The following AFF2 variants were observed in gnomAD, a reference collection of about 807,000 sequenced individuals.
AFF2 encodes AF4/FMR2 family member 2.
In AFF2, 14 loss-of-function variants were observed where a neutral mutation model predicts 76.9. The ratio of observed to expected loss-of-function variants is 0.18; its 90% CI spans 0.12 to 0.28. The LOEUF (loss-of-function observed/expected upper bound fraction) is 0.28, where lower values mean the gene tolerates loss of function less well. AFF2 is among the 10% of genes least tolerant of loss of function. AFF2 has a pLI of 1.00. For synonymous variants in AFF2, 398 were observed against 366.7 expected, an observed-to-expected ratio of 1.09 and a Z score of -0.98; for missense variants, 868 against 1,001.1, an observed-to-expected ratio of 0.87 and a Z score of 1.79.
At chrX:148,538,570 G>T (rs782698431) in intron 1 of AFF2, among the ~76,000 whole-genome samples, 11 of 112,649 alleles carry the variant, frequency 9.8e-5, no homozygotes, top group African/African-American at 2.6e-4. Flanking sequence ...TTTAAGCAAA[G>T]CCTATTGATT....
At chrX:148,613,764 C>T (rs1466746825) in intron 1 of AFF2, among the ~76,000 whole-genome samples, 1 of 111,839 alleles carries the variant, frequency 8.9e-6, no homozygotes, top group Non-Finnish European at 1.9e-5. Flanking sequence ...TATACTCTAA[C>T]TGATCTGTAA....
chrX:148,844,063 G>A (rs1205020177), intron 7 of AFF2, among the ~76,000 whole-genome samples: 2 of 112,293 alleles, frequency 1.8e-5, no homozygotes, highest in Non-Finnish European at 3.8e-5. Context: ...AAACAACTGT[G>A]ATTTCAGTGA....
intron 1 of AFF2, among the ~76,000 whole-genome samples, chrX:148,613,746 C>A (rs1458926046): frequency 9.0e-6 from 1 of 111,630 alleles, no homozygotes; most frequent in African/African-American, 3.3e-5. Context: ...ATTCCTTTCC[C>A]TGCTTTATAT....
In AFF2 at chrX:148,999,930, C is replaced by T. The variant is rs1202559081; in HGVS notation, c.*8598C>T. 1.8e-5 allele frequency: 2 copies of T among 111,533 alleles called. No homozygotes were observed. The highest frequency in any genetic ancestry group is 1.9e-4 in the Admixed American group (2 of 10,520). 9.2% of individuals were successfully genotyped at this position (111,533 alleles called of 1,213,427 possible). A position where few individuals can be genotyped will look rare whatever the true frequency, so the allele number is the denominator to read the frequency against. On this transcript the variant is annotated 3_prime_UTR_variant, in exon 21 of 21. Coordinates refer to ENST00000370460, the MANE Select transcript of AFF2 (RefSeq NM_002025.4). ...GATGGAGGCCACCTCAACTGGAGAA[C>T]ATGAGCTGAGTTGAGCCCTCAGTGT...
At chrX:148,927,520 A>G (rs145732787) in intron 9 of AFF2, among the ~76,000 whole-genome samples, 4,880 of 109,560 alleles carry the variant, frequency 0.045, 108 homozygotes, top group Middle Eastern at 0.082. Context: ...TCTACCCACC[A>G]GGGCTCAAAC....
At chrX:148,864,947 A>G (rs1557276727) in intron 7 of AFF2, among the ~76,000 whole-genome samples, 1 of 111,997 alleles carries the variant, frequency 8.9e-6, no homozygotes, top group Non-Finnish European at 1.9e-5. Context: ...GACATTTAAA[A>G]TCGAGCAATT....
chrX:148,547,254 A>T (rs56034002), intron 1 of AFF2: 1 of 85,343 alleles, frequency 1.2e-5, no homozygotes, highest in African/African-American at 4.0e-5. Flanking sequence ...GTTCATTTTG[A>T]ACATGACGGG....
At chrX:148,670,268 G>A (rs377328948) in intron 3 of AFF2, among the ~76,000 whole-genome samples, 1 of 111,421 alleles carries the variant, frequency 9.0e-6, no homozygotes, top group Admixed American at 9.5e-5. Flanking sequence ...TCTCACAATA[G>A]CAGGACTGAT....
At chrX:148,937,034 G>A (rs373962479) in intron 9 of AFF2, among the ~76,000 whole-genome samples, 4 of 111,936 alleles carry the variant, frequency 3.6e-5, no homozygotes, top group East Asian at 2.8e-4. Context: ...GATGGCTGCC[G>A]GCTAGGCTGG....
intron 3 of AFF2, among the ~76,000 whole-genome samples, chrX:148,703,080 A>G (rs1194855912): frequency 9.0e-6 from 1 of 111,718 alleles, no homozygotes; most frequent in African/African-American, 3.3e-5. Flanking sequence ...AATTTGAGGG[A>G]CCAGAACAGA....
Position 148,500,819 on chromosome X carries a change from G to A in AFF2, c.-279G>A, listed in dbSNP as rs1191184422. The A allele has an allele frequency of 6.7e-6, 1 of 148,216 alleles. No individual in the cohort carries two copies. Among genetic ancestry groups the A allele is most frequent in the Non-Finnish European group, 1.3e-5 (1 of 78,137 alleles). 12.2% of individuals were successfully genotyped at this position (148,216 alleles called of 1,213,427 possible). ...CCGCAGCGGCTGCCGCCGCAGCGTC[G>A]GGTCGCTGGGTGCGCGGGCTACCGC... On this transcript the variant is annotated 5_prime_UTR_variant, in exon 1 of 21. Coordinates refer to ENST00000370460, the MANE Select transcript of AFF2 (RefSeq NM_002025.4).
rs141712092 is a variant in AFF2 at position 148,693,163 on chromosome X, C to T, written c.1041+30395C>T. 1.3e-3 allele frequency among the ~76,000 whole-genome samples: 147 copies of T among 111,190 alleles called. 1 individual carries two copies. In the East Asian group the frequency reaches 0.04, roughly 31 times the overall value. Reference sequence around the variant, plus strand: ...CGAACTCCTGACCTCGTGATCCACCCGCCTCGACCTCCCAAAGTGCTGGGA... The same window carrying T: ...CGAACTCCTGACCTCGTGATCCACCTGCCTCGACCTCCCAAAGTGCTGGGA... On this transcript the variant is annotated intron_variant, in intron 3 of 20. Coordinates refer to ENST00000370460, the MANE Select transcript of AFF2 (RefSeq NM_002025.4).
At chrX:148,660,605 A>G (rs1339810766) in intron 2 of AFF2, among the ~76,000 whole-genome samples, 1 of 111,780 alleles carries the variant, frequency 8.9e-6, no homozygotes, top group African/African-American at 3.3e-5. Context: ...GAGTGTACCA[A>G]TGGTTAGATG....
At chrX:148,843,466 T>G (rs201914171) in intron 7 of AFF2, 33 bp downstream of exon 7, 192 of 1,144,329 alleles carry the variant, frequency 1.7e-4, no homozygotes, top group Non-Finnish European at 2.1e-4. Context: ...CAGGCCTTTT[T>G]GGGGATATTT....
At chrX:148,596,380 G>T (rs1452593602) in intron 1 of AFF2, among the ~76,000 whole-genome samples, 4 of 112,024 alleles carry the variant, frequency 3.6e-5, no homozygotes, top group African/African-American at 1.3e-4. Context: ...TTGTGCCCTG[G>T]TGTGACTGCC....
intron 3 of AFF2, among the ~76,000 whole-genome samples, chrX:148,710,346 T>G (rs2054951623): frequency 8.9e-6 from 1 of 112,091 alleles, no homozygotes; most frequent in African/African-American, 3.2e-5. Flanking sequence ...CATAGCAGTT[T>G]CCATCCATCA....
At chrX:148,531,089 GA>G (rs1272055041) in intron 1 of AFF2, among the ~76,000 whole-genome samples, 1 of 111,792 alleles carries the variant, frequency 8.9e-6, no homozygotes, top group African/African-American at 3.3e-5. Flanking sequence ...AAATATATCA[GA>G]AAAATGAAAG....
At chrX:148,710,868 G>C (rs1373459731) in intron 3 of AFF2, among the ~76,000 whole-genome samples, 1 of 111,623 alleles carries the variant, frequency 9.0e-6, no homozygotes, top group Non-Finnish European at 1.9e-5. Flanking sequence ...TTGGGCCAAG[G>C]TCAGTTGACT....
rs782073656 is a variant in AFF2, at chrX:148,662,001, A to G, written c.274A>G (p.Asn92Asp). 1 of 1,210,228 alleles carries G rather than the reference A, an allele frequency of 8.3e-7. No individual in the cohort carries two copies. Among genetic ancestry groups the G allele is most frequent in the Admixed American group, 2.2e-5 (1 of 46,050 alleles). Residue 92 changes from asparagine to aspartate, a missense_variant, in exon 3 of 21, where the codon AAT becomes GAT. Transcript: ENST00000370460. ...KNLLTNHSNQNHLVGIPKNSV... is the reference protein window; with the variant it reads ...KNLLTNHSNQDHLVGIPKNSV... ...TTTGCTAACTAACCATTCTAATCAG[A>G]ATCACCTAGTGGGAATTCCAAAGAA...
Sources: allele counts gnomAD v4.1 joint callset (sites outside exome capture counted in the v4.1 genomes callset), GRCh38; gene constraint gnomAD v4.1.1; transcripts MANE v1.5; gene names NCBI Gene and HGNC (gene_info 2026-07-23, HGNC 2026-07-21).